Variants in TEX10 observed in about 807,000 individuals in gnomAD.
TEX10 encodes the protein testis-expressed protein 10.
In TEX10, 24 loss-of-function variants were observed where a neutral mutation model predicts 104.4. The observed-to-expected ratio is 0.23, with a 90% CI of 0.17 to 0.32. The LOEUF is 0.32. Ranked by LOEUF, TEX10 falls within the 10% of genes least tolerant of loss-of-function variation. The pLI is 1.00. For missense variants in TEX10, 921 were observed against 1,083.9 expected, an observed-to-expected ratio of 0.85 and a Z score of 2.11; for synonymous variants, 396 against 393.4, an observed-to-expected ratio of 1.01 and a Z score of -0.08.
intron 13 of TEX10, chr9:100,304,092 T>C: frequency 1.9e-6 from 1 of 535,878 alleles, no homozygotes; most frequent in Non-Finnish European, 3.4e-6. Context: ...CTGAGAGAAA[T>C]CACAGATGAC....
chr9:100,338,383 G>C (rs2118910956), intron 5 of TEX10, among the ~76,000 whole-genome samples: 1 of 152,210 alleles, frequency 6.6e-6, no homozygotes, highest in Admixed American at 6.5e-5. Flanking sequence ...AGCCCTATGG[G>C]GTTCTTGCTC....
chr9:100,332,157 T>C (rs2118894757), intron 5 of TEX10, among the ~76,000 whole-genome samples: 1 of 152,364 alleles, frequency 6.6e-6, no homozygotes, highest in Admixed American at 6.5e-5. Flanking sequence ...AAATTACCCA[T>C]ATGACTGCTC....
At chr9:100,336,252 TA>T (rs1835005405) in intron 5 of TEX10, among the ~76,000 whole-genome samples, 1 of 152,178 alleles carries the variant, frequency 6.6e-6, no homozygotes, top group Admixed American at 6.5e-5. Context: ...TGTCCTAGAT[TA>T]GGGGTCCCCA....
intron 9 of TEX10, among the ~76,000 whole-genome samples, chr9:100,322,571 C>A (rs964041143): frequency 6.6e-6 from 1 of 151,984 alleles, no homozygotes; most frequent in Non-Finnish European, 1.5e-5. Flanking sequence ...CCTATAAGTA[C>A]TTAGTAATTT....
rs1230026625 is a variant in TEX10 at position 100,302,240 on chromosome 9, T to C, written c.2741A>G (p.Tyr914Cys). 33 of 1,613,598 alleles carry C rather than the reference T, an allele frequency of 2.0e-5. 1 individual carries two copies. Among genetic ancestry groups the C allele is most frequent in the South Asian group, 3.3e-5 (3 of 90,948 alleles). ...LTDLHYCFNVYITGHPQGPSA... is the reference protein window; with the variant it reads ...LTDLHYCFNVCITGHPQGPSA... ...GGGCCCTTGGGGATGCCCAGTGATA[T>C]ACACGTTGAAGCAGTAATGTAAGTC... Residue 914 changes from tyrosine (Y) to cysteine (C), a missense_variant, in exon 15 of 15, where the codon TAT becomes TGT. Physicochemically the swap from Tyr to Cys is radical, Grantham distance 194. Coordinates refer to ENST00000374902, the MANE Select transcript of TEX10 (RefSeq NM_017746.4).
chr9:100,350,454 T>G (rs994812333), intron 1 of TEX10, among the ~76,000 whole-genome samples: 4 of 152,150 alleles, frequency 2.6e-5, no homozygotes, highest in Admixed American at 2.6e-4. Flanking sequence ...GCCCCATCCA[T>G]CCTCTCCAGC....
In TEX10 at chr9:100,330,158, C is replaced by T. The variant is rs761705250; in HGVS notation, c.1262G>A (p.Cys421Tyr). The change falls in exon 6 of 15, where the codon TGC (cysteine) becomes TAC (tyrosine). Residue 421 changes from cysteine (C) to tyrosine (Y), a missense_variant. By Grantham distance (194) the Cys-to-Tyr change is radical (BLOSUM62 -2). Around this residue, in one of 3 missense-constraint regions of TEX10, gnomAD observed 753 missense variants for 868.4 expected, o/e 0.87. Transcript: ENST00000374902. ...ATCTATGTTATTGGAGAGAACTGTG[C>T]AATGCTTGATGCTAGAAACAAAGAC... ...RKEPNKSIKH[C>Y]TVLSNNIDHL... 1 of 1,603,662 alleles carries T rather than the reference C, an allele frequency of 6.2e-7. No homozygotes were observed. The highest frequency in any genetic ancestry group is 1.7e-5 in the Admixed American group (1 of 59,396).
At chr9:100,327,705 T>G in intron 8 of TEX10, 82 bp downstream of exon 8, 1 of 1,211,798 alleles carries the variant, frequency 8.3e-7, no homozygotes, top group Non-Finnish European at 1.1e-6. Context: ...AAGGCAAAAT[T>G]ACAGAGCTCC....
Position 100,352,767 on chromosome 9 carries a change from C to T in TEX10, c.-10+5G>A, listed in dbSNP as rs1262655126. On this transcript the variant is annotated splice_donor_5th_base_variant and intron_variant, in intron 1 of 14. Transcript: ENST00000374902. Reference sequence around the variant, plus strand: ...GACCCGGCCCGACGGGCGACGGCCGCTTACCTGAGGACCCGGCCGCGGCCG... The same window carrying T: ...GACCCGGCCCGACGGGCGACGGCCGTTTACCTGAGGACCCGGCCGCGGCCG... The T allele has an allele frequency of 2.6e-6, 3 of 1,135,406 alleles. No individual in the cohort carries two copies. The highest frequency in any genetic ancestry group is 5.5e-5 in the East Asian group (1 of 18,236). 70.3% of individuals were successfully genotyped at this position (1,135,406 alleles called of 1,614,324 possible). A position where few individuals can be genotyped will look rare whatever the true frequency, so the allele number is the denominator to read the frequency against.
intron 11 of TEX10, among the ~76,000 whole-genome samples, chr9:100,312,058 A>G (rs1834296123): frequency 6.6e-6 from 1 of 152,246 alleles, no homozygotes; most frequent in South Asian, 2.1e-4. Flanking sequence ...TTTACTTGGT[A>G]ACTTCTTTTA....
intron 14 of TEX10, among the ~76,000 whole-genome samples, chr9:100,302,556 G>A (rs1047911720): frequency 6.6e-6 from 1 of 152,140 alleles, no homozygotes; most frequent in East Asian, 1.9e-4. Context: ...ACATGCTAGA[G>A]ACTAATGAAA....
intron 11 of TEX10, among the ~76,000 whole-genome samples, chr9:100,315,233 A>C (rs1036453867): frequency 1.3e-5 from 2 of 152,154 alleles, no homozygotes; most frequent in Non-Finnish European, 2.9e-5. Flanking sequence ...TATATTCTGC[A>C]GTTTGTTGAG....
chr9:100,320,046 T>A (rs1278868513), intron 11 of TEX10, among the ~76,000 whole-genome samples: 4 of 152,232 alleles, frequency 2.6e-5, no homozygotes, highest in African/African-American at 9.6e-5. Context: ...TTTAAAAAGA[T>A]GGATCTATCA....
intron 11 of TEX10, among the ~76,000 whole-genome samples, chr9:100,319,371 T>C (rs35575118): frequency 0.011 from 1,669 of 152,340 alleles, 17 homozygotes; most frequent in African/African-American, 0.016. Context: ...TTTACTTCAA[T>C]TATTTGTGAA....
At position 100,315,326 on chromosome 9, in the gene TEX10, G is replaced by A. The variant is rs147643032; in HGVS notation, c.2202+4939C>T. Among the ~76,000 whole-genome samples, 30 of 152,124 alleles carry A rather than the reference G, an allele frequency of 2.0e-4. No homozygotes were observed. The East Asian group carries it at 3.7e-3, about 19-fold the overall frequency. Reference sequence around the variant, plus strand: ...GATGTTTCTTTGTATTTTCTTTCTCGATGATCTAATGCTGAGACTGGGGTG... The same window carrying A: ...GATGTTTCTTTGTATTTTCTTTCTCAATGATCTAATGCTGAGACTGGGGTG... On this transcript the variant is annotated intron_variant, in intron 11 of 14. Coordinates refer to ENST00000374902, the MANE Select transcript of TEX10 (RefSeq NM_017746.4).
chr9:100,347,725 G>A (rs1336040234), intron 2 of TEX10, among the ~76,000 whole-genome samples: 2 of 152,176 alleles, frequency 1.3e-5, no homozygotes, highest in East Asian at 1.9e-4. Context: ...CAAACATCAT[G>A]GAAGGTGTAT....
rs375123129 is a variant in TEX10, at chr9:100,303,842, C to T, written c.2466G>A (p.Arg822=). ...EKGEAEHLRK[R]DKLWGVCVSI... ...AGACACAGACCCCCCACAGCTTGTCCCTACAATAACAGAGACAGAAATGAG... is the reference window on the plus strand; with the variant it reads ...AGACACAGACCCCCCACAGCTTGTCTCTACAATAACAGAGACAGAAATGAG... The change falls in exon 14 of 15, where the codon AGG becomes AGA. Residue 822 remains arginine, a splice_region_variant and synonymous_variant. Coordinates refer to ENST00000374902, the MANE Select transcript of TEX10 (RefSeq NM_017746.4). The T allele has an allele frequency of 1.5e-5, 25 of 1,613,574 alleles. No individual in the cohort carries two copies. In the South Asian group the frequency reaches 2.6e-4, roughly 17 times the overall value.
At chr9:100,328,930 T>A (rs1834778758) in intron 7 of TEX10, among the ~76,000 whole-genome samples, 1 of 152,232 alleles carries the variant, frequency 6.6e-6, no homozygotes, top group Admixed American at 6.5e-5. Context: ...GCCTAAGCAG[T>A]CTTTTATCTG....
chr9:100,324,484 T>A (rs1402228415), intron 9 of TEX10, among the ~76,000 whole-genome samples: 1 of 152,210 alleles, frequency 6.6e-6, no homozygotes, highest in Non-Finnish European at 1.5e-5. Context: ...TAATGGACTC[T>A]GTACAAATAC....
Sources: gnomAD v4.1 joint callset for allele counts (sites outside exome capture counted in the v4.1 genomes callset) on GRCh38, gnomAD v4.1.1 for gene constraint, gnomAD v4.1.1 regional missense constraint, MANE v1.5 for transcripts, NCBI Gene and HGNC (gene_info 2026-07-23, HGNC 2026-07-21) for gene names.